RAI14: variants seen among roughly 807,000 people sequenced by gnomAD.
The protein encoded by RAI14 is retinoic acid induced 14.
RAI14 carries 45 observed loss-of-function variants against 115.4 expected under a neutral mutation model. The ratio of observed to expected loss-of-function variants is 0.39; its 90% CI spans 0.31 to 0.50. The LOEUF is 0.50. Among genes scored for constraint, RAI14 ranks in the 20% least tolerant of loss-of-function variants. The pLI is 0.85. For synonymous variants in RAI14, 371 were observed against 415.4 expected (o/e 0.89, Z 1.30); for missense variants, 939 against 1,131.2 (o/e 0.83, Z 2.44).
rs1738016268 is a variant in RAI14, at chr5:34,687,634, C to T, written c.36+679C>T. ...GTCACCCCATAAACCCTTCTATGAT[C>T]CCAGTCTTGTATTAGCTGCATTCCA... On this transcript the variant is annotated intron_variant, in intron 2 of 17. Transcript: ENST00000265109. 9 of 1,549,540 alleles carry T rather than the reference C, an allele frequency of 5.8e-6. No homozygotes were observed. In the Middle Eastern group the frequency reaches 5.0e-4, roughly 86 times the overall value.
chr5:34,661,808 A>G (rs776908446), intron 1 of RAI14, among the ~76,000 whole-genome samples: 22 of 152,178 alleles, frequency 1.4e-4, no homozygotes, highest in Admixed American at 3.3e-4. Context: ...CAGCCATCCC[A>G]AGCAACATGA....
intron 2 of RAI14, among the ~76,000 whole-genome samples, chr5:34,742,982 C>T (rs946575849): frequency 2.6e-5 from 4 of 152,126 alleles, no homozygotes; most frequent in African/African-American, 9.7e-5. Context: ...AGTGTCTATA[C>T]CCAAAGCACC....
chr5:34,826,271 T>A, intron 15 of RAI14, 59 bp from the exon 16 acceptor site: 1 of 1,518,518 alleles, frequency 6.6e-7, no homozygotes, highest in Non-Finnish European at 9.0e-7. Context: ...TACAAATATA[T>A]GAAATTTTGC....
chr5:34,694,415 T>A (rs2149905910), intron 2 of RAI14, among the ~76,000 whole-genome samples: 1 of 152,336 alleles, frequency 6.6e-6, no homozygotes, highest in Middle Eastern at 3.4e-3. Flanking sequence ...GGGGCCAGCG[T>A]TGGCCAAAGG....
intron 13 of RAI14, among the ~76,000 whole-genome samples, chr5:34,820,845 A>G (rs2150290677): frequency 6.6e-6 from 1 of 152,336 alleles, no homozygotes; most frequent in East Asian, 1.9e-4. Context: ...TGGTTTACCA[A>G]CAGGGATTAC....
At chr5:34,721,954 C>A (rs1742811600) in intron 2 of RAI14, among the ~76,000 whole-genome samples, 1 of 152,164 alleles carries the variant, frequency 6.6e-6, no homozygotes, top group South Asian at 2.1e-4. Flanking sequence ...GGTAATCCAC[C>A]CACCTCGGCC....
At chr5:34,787,406 T>G (rs1452019395) in intron 3 of RAI14, among the ~76,000 whole-genome samples, 1 of 152,202 alleles carries the variant, frequency 6.6e-6, no homozygotes, top group African/African-American at 2.4e-5. Context: ...AATTTATTAT[T>G]AAGGAAGGAA....
At chr5:34,817,224 C>T (rs1055403496) in intron 12 of RAI14, among the ~76,000 whole-genome samples, 3 of 137,582 alleles carry the variant, frequency 2.2e-5, no homozygotes, top group Admixed American at 1.7e-4. Context: ...TTGCAGTGAA[C>T]CAACATTGTG....
chr5:34,810,482 G>A (rs1363616488), intron 7 of RAI14, among the ~76,000 whole-genome samples: 2 of 152,132 alleles, frequency 1.3e-5, no homozygotes, highest in African/African-American at 4.8e-5. Context: ...ATCTAGTCAT[G>A]TGTTAGTAAC....
intron 3 of RAI14, among the ~76,000 whole-genome samples, chr5:34,776,267 G>A (rs1299867515): frequency 6.6e-6 from 1 of 152,170 alleles, no homozygotes; most frequent in Non-Finnish European, 1.5e-5. Context: ...GATGGGAAGG[G>A]TAGTGGGTTG....
chr5:34,794,533 T>C (rs894277297), intron 3 of RAI14, among the ~76,000 whole-genome samples: 5 of 152,222 alleles, frequency 3.3e-5, no homozygotes, highest in Non-Finnish European at 7.3e-5. Context: ...TAAATAGATA[T>C]TACACATAGA....
chr5:34,829,190 T>C (rs111881351), intron 16 of RAI14, among the ~76,000 whole-genome samples: 1,629 of 88,074 alleles, frequency 0.018, 11 homozygotes, highest in African/African-American at 0.031. Flanking sequence ...CACACACACA[T>C]ATATATATAT....
At chr5:34,679,150 AG>A (rs113003169) in intron 1 of RAI14, among the ~76,000 whole-genome samples, 7 of 152,292 alleles carry the variant, frequency 4.6e-5, no homozygotes, top group African/African-American at 1.4e-4. Flanking sequence ...ATCATTGCAT[AG>A]CTCTCTCTAA....
Position 34,827,196 on chromosome 5 carries a change from CA to C in RAI14, c.2799+718del, listed in dbSNP as rs1362019781. Among the ~76,000 whole-genome samples, 4 of 152,284 alleles carry C rather than the reference CA, an allele frequency of 2.6e-5. No homozygotes were observed. The highest frequency in any genetic ancestry group is 9.6e-5 in the African/African-American group (4 of 41,566). Reference sequence around the variant, plus strand: ...CACTCCAGCATCTGCTCAGTCTTCCCATCTCCTCCTTCAGCCTTTGATTTTC... The same window carrying C: ...CACTCCAGCATCTGCTCAGTCTTCCCTCTCCTCCTTCAGCCTTTGATTTTC... On this transcript the variant is annotated intron_variant, in intron 16 of 17. Coordinates refer to ENST00000265109, the MANE Select transcript of RAI14 (RefSeq NM_015577.3). This position sits in a 1 kb window ranked among gnomAD's most constrained non-coding sequence, Gnocchi z 4.2.
Position 34,772,992 on chromosome 5 carries a change from C to T in RAI14, c.167+15394C>T, listed in dbSNP as rs559772280. ...TTTGTGCCATTTTGCTACATTGCTGCTGAAGGGCCCCAGCTGAGTTTTATA... is the reference window on the plus strand; with the variant it reads ...TTTGTGCCATTTTGCTACATTGCTGTTGAAGGGCCCCAGCTGAGTTTTATA... On this transcript the variant is annotated intron_variant, in intron 3 of 17. Transcript: ENST00000265109. Among the ~76,000 whole-genome samples the T allele has an allele frequency of 2.6e-5, 4 of 152,284 alleles. No individual in the cohort carries two copies. In the East Asian group the frequency reaches 7.7e-4, roughly 29 times the overall value.
intron 3 of RAI14, among the ~76,000 whole-genome samples, chr5:34,787,893 AT>A (rs70973012): frequency 1.6e-4 from 4 of 25,116 alleles, no homozygotes; most frequent in Admixed American, 6.7e-4. Flanking sequence ...GATACTACTG[AT>A]TTTTTTTTTT....
chr5:34,770,153 G>A (rs977445479), intron 3 of RAI14, among the ~76,000 whole-genome samples: 2 of 152,148 alleles, frequency 1.3e-5, no homozygotes, highest in African/African-American at 4.8e-5. Context: ...CCGACATTGC[G>A]CATGTCCAGC....
intron 10 of RAI14, among the ~76,000 whole-genome samples, chr5:34,813,170 A>G (rs759575825): frequency 3.3e-5 from 5 of 152,236 alleles, no homozygotes; most frequent in Non-Finnish European, 5.9e-5. Context: ...AAATGAAGTT[A>G]TCCCTTTCCC....
chr5:34,798,453 AT>A (rs1413708415), intron 4 of RAI14, among the ~76,000 whole-genome samples: 3 of 152,176 alleles, frequency 2.0e-5, no homozygotes, highest in African/African-American at 7.2e-5. Context: ...AAGAAAAAAA[AT>A]ATTTCTATTT....
Sources: gnomAD v4.1 joint callset for allele counts (sites outside exome capture counted in the v4.1 genomes callset) on GRCh38, gnomAD v4.1.1 for gene constraint, Gnocchi (gnomAD v3.1) non-coding constraint, MANE v1.5 for transcripts, NCBI Gene and HGNC (gene_info 2026-07-23, HGNC 2026-07-21) for gene names.